Variants in NAV2 observed in about 807,000 individuals in gnomAD.
NAV2 encodes helicase, APC down-regulated 1.
Under a neutral mutation model 223.2 loss-of-function variants are expected in NAV2, and 54 were observed. That is an observed-to-expected ratio of 0.24 (90% CI 0.19 to 0.30). The LOEUF (loss-of-function observed/expected upper bound fraction) is 0.30. Ranked by LOEUF, NAV2 falls within the 10% of genes least tolerant of loss-of-function variation. NAV2 has a pLI of 1.00. For synonymous variants in NAV2, 1,279 were observed against 1,239.3 expected, an observed-to-expected ratio of 1.03 and a Z score of -0.67; for missense variants, 2,806 against 3,147.5, an observed-to-expected ratio of 0.89 and a Z score of 2.60.
At chr11:19,746,139 T>A (rs1472755467) in intron 1 of NAV2, among the ~76,000 whole-genome samples, 1 of 152,212 alleles carries the variant, frequency 6.6e-6, no homozygotes, top group East Asian at 1.9e-4. Flanking sequence ...TCAGGTCAAA[T>A]GCAGCCTCGG....
intron 1 of NAV2, among the ~76,000 whole-genome samples, chr11:19,683,933 A>T (rs1233980181): frequency 6.6e-6 from 1 of 152,238 alleles, no homozygotes; most frequent in Non-Finnish European, 1.5e-5. Context: ...TTTGCATTAA[A>T]ATATCTTTTC....
intron 1 of NAV2, among the ~76,000 whole-genome samples, chr11:19,803,872 T>A (rs1311360751): frequency 6.6e-6 from 1 of 152,228 alleles, no homozygotes; most frequent in Non-Finnish European, 1.5e-5. Flanking sequence ...CCTCGCCCCA[T>A]CTGTGGCTTA....
intron 1 of NAV2, among the ~76,000 whole-genome samples, chr11:19,484,093 G>A (rs972197883): frequency 4.1e-4 from 61 of 148,716 alleles, no homozygotes; most frequent in African/African-American, 1.3e-3. Flanking sequence ...TCTCCTCCAC[G>A]CCCTGCATGA....
chr11:20,103,817 G>C (rs182160579), intron 34 of NAV2, 93 bp downstream of exon 34: 4 of 1,098,964 alleles, frequency 3.6e-6, no homozygotes. Context: ...TTGAGTATGT[G>C]TTGTATGCTA....
In NAV2 at chr11:19,934,091, T is replaced by G. The variant is rs373730320; in HGVS notation, c.1847T>G (p.Leu616Arg). ...DGRHSSSSSS[L>R]ASSEGKGPGG... is the part of the protein sequence containing the mutation. ...AGACACTCCAGTTCCTCTTCCAGCC[T>G]GGCGTCCTCAGAAGGAAAAGGCCCA... The change falls in exon 7 of 38, where the codon CTG (leucine) becomes CGG (arginine). Residue 616 changes from leucine to arginine, a missense_variant. Physicochemically the swap from Leu to Arg is moderately radical, Grantham distance 102. Transcript: ENST00000349880. 1.9e-6 allele frequency: 3 copies of G among 1,612,876 alleles called. No individual in the cohort carries two copies. Among genetic ancestry groups the G allele is most frequent in the African/African-American group, 2.7e-5 (2 of 74,842 alleles).
At chr11:19,440,245 G>A (rs1295416843) in intron 1 of NAV2, among the ~76,000 whole-genome samples, 1 of 152,170 alleles carries the variant, frequency 6.6e-6, no homozygotes, top group Non-Finnish European at 1.5e-5. Flanking sequence ...GGTGCTATGG[G>A]AAGCCATGGC....
chr11:19,895,496 A>C (rs973916620), intron 6 of NAV2, among the ~76,000 whole-genome samples: 3 of 152,220 alleles, frequency 2.0e-5, no homozygotes, highest in Admixed American at 2.0e-4. Context: ...CTCGCTGGTA[A>C]CTAAGCACTG....
At chr11:19,799,532 A>G (rs2152761763) in intron 1 of NAV2, among the ~76,000 whole-genome samples, 1 of 135,446 alleles carries the variant, frequency 7.4e-6, no homozygotes, top group Non-Finnish European at 1.5e-5. Context: ...CTGGGCTGCA[A>G]CTGGCCAGGA....
intron 1 of NAV2, among the ~76,000 whole-genome samples, chr11:19,587,120 T>C (rs931991915): frequency 6.6e-6 from 1 of 152,190 alleles, no homozygotes; most frequent in Non-Finnish European, 1.5e-5. Context: ...TGCAGTTTGA[T>C]CTCAGATTGC....
At chr11:20,064,120 G>A (rs910234119) in intron 20 of NAV2, among the ~76,000 whole-genome samples, 3 of 152,130 alleles carry the variant, frequency 2.0e-5, no homozygotes, top group Non-Finnish European at 2.9e-5. Flanking sequence ...GGTTTTTTAA[G>A]CCATCATCTG....
At chr11:20,058,078 T>C (rs1382844399) in intron 19 of NAV2, among the ~76,000 whole-genome samples, 1 of 152,240 alleles carries the variant, frequency 6.6e-6, no homozygotes, top group African/African-American at 2.4e-5. Flanking sequence ...GGTTATTACA[T>C]TCAAAAATAA....
chr11:20,043,920 A>AGTGAG (rs1221512700), intron 12 of NAV2, 61 bp from the exon 13 acceptor site: 2 of 1,549,832 alleles, frequency 1.3e-6, no homozygotes, highest in Admixed American at 3.5e-5. Flanking sequence ...TTGCCTTTGG[A>AGTGAG]GTGAGGGGCT....
intron 1 of NAV2, among the ~76,000 whole-genome samples, chr11:19,375,487 C>G (rs546182220): frequency 3.3e-5 from 5 of 152,304 alleles, no homozygotes; most frequent in South Asian, 4.2e-4. Flanking sequence ...CCTCCTCCCC[C>G]ACAAACTCAG....
At chr11:20,095,082 A>G (rs944980783) in intron 29 of NAV2, among the ~76,000 whole-genome samples, 1 of 152,262 alleles carries the variant, frequency 6.6e-6, no homozygotes, top group African/African-American at 2.4e-5. Flanking sequence ...CAAGAATAAA[A>G]ACAATAAATG....
intron 1 of NAV2, among the ~76,000 whole-genome samples, chr11:19,779,733 C>G (rs1191904612): frequency 6.6e-6 from 1 of 152,218 alleles, no homozygotes; most frequent in Non-Finnish European, 1.5e-5. Context: ...TAAATGGGAA[C>G]TATCATTATT....
intron 3 of NAV2, among the ~76,000 whole-genome samples, chr11:19,848,495 A>G (rs1408616733): frequency 1.3e-5 from 2 of 152,074 alleles, no homozygotes; most frequent in African/African-American, 4.8e-5. Flanking sequence ...ATTAGGTCTT[A>G]CCTCTGACCT....
chr11:19,654,700 GA>G (rs2048068569), intron 1 of NAV2, among the ~76,000 whole-genome samples: 1 of 152,204 alleles, frequency 6.6e-6, no homozygotes, highest in Admixed American at 6.5e-5. Flanking sequence ...GTAGAAAGCT[GA>G]AACTGGATCC....
At chr11:19,819,371 G>A (rs1400432015) in intron 1 of NAV2, among the ~76,000 whole-genome samples, 1 of 152,168 alleles carries the variant, frequency 6.6e-6, no homozygotes, top group African/African-American at 2.4e-5. Flanking sequence ...GTGGGGGAAG[G>A]GCACCCTAGG....
In NAV2 at chr11:19,811,293, G is replaced by A. The variant is rs534779034; in HGVS notation, c.268-21191G>A. Among the ~76,000 whole-genome samples, 25 of 152,206 alleles carry A rather than the reference G, an allele frequency of 1.6e-4. 1 individual carries two copies. In the East Asian group the frequency reaches 4.8e-3, roughly 29 times the overall value. ...CTACTGGACTGGATGGAGCTGTGTG[G>A]GTGGCCAAGGAGGAGGTCAGAGGGG... On this transcript the variant is annotated intron_variant, in intron 1 of 37. Transcript: ENST00000349880.
Sources: allele counts gnomAD v4.1 joint callset (sites outside exome capture counted in the v4.1 genomes callset), GRCh38; gene constraint gnomAD v4.1.1; transcripts MANE v1.5; gene names NCBI Gene and HGNC (gene_info 2026-07-23, HGNC 2026-07-21).